The following AUTS2 variants were observed in gnomAD, a reference collection of about 807,000 sequenced individuals.
The protein encoded by AUTS2 is activator of transcription and developmental regulator AUTS2.
A neutral mutation model predicts 112.4 loss-of-function variants in AUTS2; 17 were observed. The ratio of observed to expected loss-of-function variants is 0.15; its 90% CI spans 0.10 to 0.23. The LOEUF (loss-of-function observed/expected upper bound fraction) is 0.23. AUTS2 is among the 10% of genes least tolerant of loss of function. AUTS2 has a pLI of 1.00. For missense variants in AUTS2, 1,510 were observed against 1,701.6 expected (o/e 0.89, Z 1.98); for synonymous variants, 751 against 702.7 (o/e 1.07, Z -1.09).
intron 1 of AUTS2, among the ~76,000 whole-genome samples, chr7:69,774,512 G>A (rs1008037594): frequency 1.3e-5 from 2 of 152,216 alleles, no homozygotes; most frequent in Non-Finnish European, 2.9e-5. Context: ...GCACTGAGAT[G>A]AATCGGATGT....
intron 5 of AUTS2, among the ~76,000 whole-genome samples, chr7:70,464,047 C>T (rs565803808): frequency 1.3e-5 from 2 of 152,272 alleles, no homozygotes; most frequent in African/African-American, 4.8e-5. Context: ...GATGTGGGAG[C>T]AGGCACAGGA....
chr7:70,769,875 CAG>C (rs985203000), intron 10 of AUTS2, among the ~76,000 whole-genome samples: 6 of 151,980 alleles, frequency 3.9e-5, no homozygotes, highest in Non-Finnish European at 5.9e-5. Flanking sequence ...GGTTTTTAGT[CAG>C]GGGGAGGAAT....
At chr7:69,890,215 ATGGGAGACTCC>A (rs932223655) in intron 1 of AUTS2, among the ~76,000 whole-genome samples, 2 of 152,148 alleles carry the variant, frequency 1.3e-5, no homozygotes, top group African/African-American at 4.8e-5. Context: ...ATCTGTGGGA[ATGGGAGACTCC>A]TGGGATGTTT....
intron 3 of AUTS2, among the ~76,000 whole-genome samples, chr7:70,130,708 GAA>G (rs956105830): frequency 6.6e-6 from 1 of 152,014 alleles, no homozygotes; most frequent in African/African-American, 2.4e-5. Flanking sequence ...CCAGCAGAAT[GAA>G]AAGACCATGT....
intron 6 of AUTS2, among the ~76,000 whole-genome samples, chr7:70,747,579 C>T (rs890246078): frequency 1.3e-5 from 2 of 152,142 alleles, no homozygotes; most frequent in Non-Finnish European, 2.9e-5. Flanking sequence ...CTGCCTCAGC[C>T]TCCTCAGTAG....
intron 4 of AUTS2, among the ~76,000 whole-genome samples, chr7:70,309,963 C>T (rs569647880): frequency 1.3e-5 from 2 of 152,186 alleles, no homozygotes; most frequent in African/African-American, 2.4e-5. Flanking sequence ...TTTAAGGATT[C>T]TAGGAACTCG....
chr7:70,666,585 GC>G (rs1374894208), intron 5 of AUTS2, among the ~76,000 whole-genome samples: 2 of 152,078 alleles, frequency 1.3e-5, no homozygotes, highest in Non-Finnish European at 2.9e-5. Context: ...GCTTTCTCCT[GC>G]CCTTCTTCCT....
At chr7:70,746,392 C>A (rs1162414438) in intron 6 of AUTS2, among the ~76,000 whole-genome samples, 5 of 152,158 alleles carry the variant, frequency 3.3e-5, no homozygotes, top group Non-Finnish European at 7.3e-5. Context: ...GTGATCCGCC[C>A]ACCTCGGCCT....
intron 1 of AUTS2, among the ~76,000 whole-genome samples, chr7:69,892,981 G>A (rs1024768182): frequency 4.6e-5 from 7 of 152,156 alleles, no homozygotes; most frequent in Admixed American, 3.9e-4. Context: ...TTTTAATGTG[G>A]TGTGAAAGAT....
chr7:69,919,712 C>T (rs1056681102), intron 2 of AUTS2, among the ~76,000 whole-genome samples: 8 of 152,100 alleles, frequency 5.3e-5, no homozygotes, highest in Non-Finnish European at 1.5e-5. Flanking sequence ...ATTCTTCTAA[C>T]ACTGTGAAGA....
At chr7:70,043,196 G>A (rs1801321862) in intron 2 of AUTS2, among the ~76,000 whole-genome samples, 1 of 152,070 alleles carries the variant, frequency 6.6e-6, no homozygotes, top group Admixed American at 6.6e-5. Flanking sequence ...AATGGGGCAG[G>A]TCCATAGCCA....
chr7:70,040,915 C>G (rs1012372838), intron 2 of AUTS2, among the ~76,000 whole-genome samples: 3 of 152,156 alleles, frequency 2.0e-5, no homozygotes, highest in Admixed American at 6.5e-5. Context: ...TTTTATACCT[C>G]AACAATTATT....
chr7:70,003,584 A>G (rs1425180315), intron 2 of AUTS2, among the ~76,000 whole-genome samples: 1 of 124,804 alleles, frequency 8.0e-6, no homozygotes, highest in Non-Finnish European at 1.5e-5. Flanking sequence ...TGTATATATA[A>G]TATATATGAA....
chr7:70,592,749 G>C (rs1277643743), intron 5 of AUTS2, among the ~76,000 whole-genome samples: 1 of 152,192 alleles, frequency 6.6e-6, no homozygotes, highest in African/African-American at 2.4e-5. Context: ...GACCCACAGA[G>C]TGCTTTGTAT....
At chr7:69,991,332 C>G (rs957216444) in intron 2 of AUTS2, among the ~76,000 whole-genome samples, 12 of 152,164 alleles carry the variant, frequency 7.9e-5, no homozygotes, top group Non-Finnish European at 1.5e-4. Context: ...CTGGGCACAG[C>G]AATGTGAATT....
At chr7:70,756,734 C>T (rs1789237077) in intron 6 of AUTS2, among the ~76,000 whole-genome samples, 1 of 152,136 alleles carries the variant, frequency 6.6e-6, no homozygotes, top group Admixed American at 6.5e-5. Context: ...AGCAGCCTTA[C>T]CATTGTGTCA....
chr7:69,952,106 C>CT (rs924707342), intron 2 of AUTS2, among the ~76,000 whole-genome samples: 9 of 151,702 alleles, frequency 5.9e-5, no homozygotes, highest in East Asian at 1.9e-4. Flanking sequence ...GGATTGAACC[C>CT]TTTTTTTTGT....
At chr7:70,628,560 G>T (rs1291279931) in intron 5 of AUTS2, among the ~76,000 whole-genome samples, 4 of 151,354 alleles carry the variant, frequency 2.6e-5, no homozygotes, top group Admixed American at 2.0e-4. Flanking sequence ...GCTATTAATA[G>T]TATACCTACA....
chr7:70,439,979 A>G (rs1297430218), intron 5 of AUTS2, among the ~76,000 whole-genome samples: 3 of 152,086 alleles, frequency 2.0e-5, no homozygotes, highest in Non-Finnish European at 4.4e-5. Context: ...TGGCTGACAC[A>G]TGTTTCTGAC....
Sources: gnomAD v4.1 joint callset for allele counts (sites outside exome capture counted in the v4.1 genomes callset) on GRCh38, gnomAD v4.1.1 for gene constraint, MANE v1.5 for transcripts, NCBI Gene and HGNC (gene_info 2026-07-23, HGNC 2026-07-21) for gene names.